Variants in CFAP54 observed in about 807,000 individuals in gnomAD.
The protein encoded by CFAP54 is cilia and flagella associated protein 54.
A neutral mutation model predicts 370.4 loss-of-function variants in CFAP54; 290 were observed. The observed-to-expected ratio is 0.78, with a 90% confidence interval of 0.71 to 0.86. The LOEUF is 0.86. Ranked by LOEUF, CFAP54 falls within the 40% of genes least tolerant of loss-of-function variation. CFAP54 has a pLI of 0.00. For missense variants in CFAP54, 3,399 were observed against 3,528.7 expected, an observed-to-expected ratio of 0.96 and a Z score of 0.93; for synonymous variants, 1,206 against 1,236.5, an observed-to-expected ratio of 0.98 and a Z score of 0.52.
intron 17 of CFAP54, among the ~76,000 whole-genome samples, chr12:96,561,608 C>T (rs12582299): frequency 6.6e-6 from 1 of 151,230 alleles, no homozygotes; most frequent in Non-Finnish European, 1.5e-5. Context: ...GTACCTTTTG[C>T]TAGGAAATGG....
intron 60 of CFAP54, among the ~76,000 whole-genome samples, chr12:96,781,851 G>A (rs553038551): frequency 6.6e-6 from 1 of 152,188 alleles, no homozygotes; most frequent in African/African-American, 2.4e-5. Context: ...ATGGTATAAG[G>A]AAATTATTTT....
At chr12:96,734,288 A>G (rs1212527778) in intron 50 of CFAP54, among the ~76,000 whole-genome samples, 1 of 152,178 alleles carries the variant, frequency 6.6e-6, no homozygotes, top group Non-Finnish European at 1.5e-5. Context: ...TAATGATAAT[A>G]GCTAGCATGC....
chr12:96,875,444 T>C lies in CFAP54; in HGVS notation c.*341T>C, dbSNP rs1330446325. On this transcript the variant is annotated 3_prime_UTR_variant, in exon 68 of 68. Transcript: ENST00000524981. ...GTATATCTCCTCAGCTCGCTCTCAT[T>C]TGTCCAGCTTATCTATTTCTTTATC... is the stretch of plus-strand genomic sequence containing the variant. 1 of 152,214 alleles carries C rather than the reference T, an allele frequency of 6.6e-6. No individual in the cohort carries two copies. Among genetic ancestry groups the C allele is most frequent in the South Asian group, 2.1e-4 (1 of 4,834 alleles). The allele number at this position is 152,214 out of a possible 1,614,324, so 9.4% of individuals were successfully genotyped here.
At chr12:96,687,120 C>G (rs1488159918) in intron 42 of CFAP54, among the ~76,000 whole-genome samples, 1 of 152,142 alleles carries the variant, frequency 6.6e-6, no homozygotes, top group East Asian at 1.9e-4. Context: ...CTGCCTCTCT[C>G]TGTCTGTCTC....
intron 17 of CFAP54, among the ~76,000 whole-genome samples, chr12:96,556,333 T>A (rs974882646): frequency 8.0e-5 from 12 of 150,108 alleles, no homozygotes; most frequent in South Asian, 2.1e-4. Context: ...AAAAAAAAAA[T>A]AAAAATAAAA....
chr12:96,684,368 A>C (rs907726380), intron 40 of CFAP54, among the ~76,000 whole-genome samples: 1 of 152,116 alleles, frequency 6.6e-6, no homozygotes, highest in Non-Finnish European at 1.5e-5. Flanking sequence ...TGCCGTTTCT[A>C]AGTTTCTCTT....
At chr12:96,567,841 G>A (rs1299734582) in intron 19 of CFAP54, among the ~76,000 whole-genome samples, 3 of 151,998 alleles carry the variant, frequency 2.0e-5, no homozygotes, top group African/African-American at 7.2e-5. Context: ...AGTTTCCAGT[G>A]TGGGCAGGAA....
intron 65 of CFAP54, among the ~76,000 whole-genome samples, chr12:96,825,787 CAT>C (rs1365832074): frequency 3.9e-5 from 5 of 127,006 alleles, no homozygotes; most frequent in Admixed American, 1.7e-4. Context: ...TATTATGTAA[CAT>C]AGTATATATT....
intron 3 of CFAP54, 70 bp from the exon 4 acceptor site, chr12:96,506,858 A>T: frequency 2.2e-6 from 3 of 1,369,750 alleles, no homozygotes; most frequent in Admixed American, 2.5e-5. Context: ...AAGTGCTGGG[A>T]TTACAGGTGT....
chr12:96,678,858 T>C (rs1004348560), intron 39 of CFAP54, among the ~76,000 whole-genome samples: 2 of 152,168 alleles, frequency 1.3e-5, no homozygotes, highest in Non-Finnish European at 2.9e-5. Flanking sequence ...ACCATGTAAG[T>C]TGCTATACTG....
chr12:96,629,572 CAA>C (rs1956584379), intron 30 of CFAP54, among the ~76,000 whole-genome samples: 1 of 151,966 alleles, frequency 6.6e-6, no homozygotes, highest in Non-Finnish European at 1.5e-5. Flanking sequence ...CTCAGCCTCC[CAA>C]AGTGCTGGGA....
chr12:96,746,683 T>C (rs559715613), intron 55 of CFAP54, among the ~76,000 whole-genome samples: 2 of 152,356 alleles, frequency 1.3e-5, no homozygotes, highest in South Asian at 4.1e-4. Flanking sequence ...CAAGCTGACC[T>C]GTGCCCCTTC....
chr12:96,715,695 A>G (rs1277416701), intron 48 of CFAP54, among the ~76,000 whole-genome samples: 4 of 152,298 alleles, frequency 2.6e-5, no homozygotes, highest in East Asian at 1.9e-4. Context: ...AGGTAATTCA[A>G]TCTGATTCTA....
At chr12:96,512,628 C>A (rs1288386159) in intron 4 of CFAP54, among the ~76,000 whole-genome samples, 1 of 151,954 alleles carries the variant, frequency 6.6e-6, no homozygotes, top group East Asian at 1.9e-4. Flanking sequence ...GGCGTAGCCA[C>A]TGTACACAGC....
chr12:96,613,914 A>G (rs891460550), intron 26 of CFAP54, among the ~76,000 whole-genome samples: 5 of 151,854 alleles, frequency 3.3e-5, no homozygotes, highest in Non-Finnish European at 5.9e-5. Context: ...ATGGATTCAC[A>G]GCCGAATTCT....
At chr12:96,565,191 C>T (rs1226491606) in intron 19 of CFAP54, 1 of 152,368 alleles carries the variant, frequency 6.6e-6, no homozygotes, top group African/African-American at 2.4e-5. Flanking sequence ...TCACTCTGGC[C>T]TGGAAATTCT....
At chr12:96,665,111 GTTTTTTT>G (rs71068822) in intron 39 of CFAP54, among the ~76,000 whole-genome samples, 1 of 146,480 alleles carries the variant, frequency 6.8e-6, no homozygotes, top group Non-Finnish European at 1.5e-5. Flanking sequence ...CCACATGTAT[GTTTTTTT>G]TTTTGAGAAC....
At chr12:96,700,133 T>C in intron 46 of CFAP54, 40 bp downstream of exon 46, 1 of 1,566,592 alleles carries the variant, frequency 6.4e-7, no homozygotes, top group Non-Finnish European at 8.7e-7. Flanking sequence ...TCTTTACCTA[T>C]GAGGGATACA....
At chr12:96,491,575 C>T (rs1232526058) in intron 1 of CFAP54, among the ~76,000 whole-genome samples, 2 of 152,086 alleles carry the variant, frequency 1.3e-5, no homozygotes, top group East Asian at 1.9e-4. Context: ...TAAGAAGAAA[C>T]CAACAGAGAC....
Sources: gnomAD v4.1 joint callset for allele counts (sites outside exome capture counted in the v4.1 genomes callset) on GRCh38, gnomAD v4.1.1 for gene constraint, MANE v1.5 for transcripts, NCBI Gene and HGNC (gene_info 2026-07-23, HGNC 2026-07-21) for gene names.